Variants in ROBO1 observed in about 807,000 individuals in gnomAD.
ROBO1 encodes roundabout homolog 1.
A neutral mutation model predicts 195.9 loss-of-function variants in ROBO1; 149 were observed. The ratio of observed to expected loss-of-function variants is 0.76; its 90% confidence interval spans 0.67 to 0.87. The LOEUF (loss-of-function observed/expected upper bound fraction) is 0.87, where lower values mean the gene tolerates loss of function less well. Among genes scored for constraint, ROBO1 ranks in the 40% least tolerant of loss-of-function variants. ROBO1 has a pLI of 0.00. For synonymous variants in ROBO1, 816 were observed against 733.2 expected (o/e 1.11, Z -1.82); for missense variants, 1,933 against 2,068.3 (o/e 0.93, Z 1.27).
chr3:79,097,658 T>C (rs928742061), intron 3 of ROBO1, among the ~76,000 whole-genome samples: 4 of 151,838 alleles, frequency 2.6e-5, no homozygotes, highest in Non-Finnish European at 5.9e-5. Flanking sequence ...AGTGAATGAA[T>C]GTTTTCAGTG....
At chr3:79,615,127 C>T (rs1944779386) in intron 1 of ROBO1, among the ~76,000 whole-genome samples, 1 of 152,008 alleles carries the variant, frequency 6.6e-6, no homozygotes, top group Admixed American at 6.6e-5. Flanking sequence ...TAGGCACAAT[C>T]GACCGGTGTA....
intron 2 of ROBO1, among the ~76,000 whole-genome samples, chr3:79,496,915 T>A (rs997787142): frequency 3.9e-5 from 6 of 152,230 alleles, no homozygotes; most frequent in Non-Finnish European, 7.3e-5. Flanking sequence ...ACTGGTTGTT[T>A]ATCTCTTCCC....
intron 8 of ROBO1, 135 bp downstream of exon 8, chr3:78,714,262 T>C: frequency 2.5e-6 from 2 of 810,452 alleles, no homozygotes; most frequent in African/African-American, 3.5e-5. Flanking sequence ...TCTTTAAATA[T>C]GTTTGAAATA....
At chr3:78,624,099 AAG>A (rs1212822639) in intron 26 of ROBO1, among the ~76,000 whole-genome samples, 7 of 152,324 alleles carry the variant, frequency 4.6e-5, no homozygotes, top group Non-Finnish European at 1.0e-4. Context: ...TCTAAATAAA[AAG>A]ATAACAACGT....
intron 3 of ROBO1, among the ~76,000 whole-genome samples, chr3:78,949,847 C>T (rs1206903808): frequency 1.3e-5 from 2 of 152,178 alleles, no homozygotes; most frequent in South Asian, 4.2e-4. Flanking sequence ...AAAAAGTGGG[C>T]GAAGGATATG....
intron 2 of ROBO1, among the ~76,000 whole-genome samples, chr3:79,350,724 T>C (rs1577009466): frequency 6.6e-6 from 1 of 152,148 alleles, no homozygotes; most frequent in Non-Finnish European, 1.5e-5. Flanking sequence ...CTACGAAGGG[T>C]TCAGAATAGG....
At chr3:79,205,616 T>C (rs1249834450) in intron 2 of ROBO1, among the ~76,000 whole-genome samples, 1 of 152,182 alleles carries the variant, frequency 6.6e-6, no homozygotes, top group African/African-American at 2.4e-5. Flanking sequence ...TCTTGGCATG[T>C]ATTTTGCAGG....
intron 2 of ROBO1, among the ~76,000 whole-genome samples, chr3:79,472,923 A>G (rs1421032339): frequency 6.6e-6 from 1 of 152,140 alleles, no homozygotes; most frequent in Non-Finnish European, 1.5e-5. Context: ...ACTAAGAGCT[A>G]AAGGAAAATT....
At chr3:79,156,762 A>G (rs1227781173) in intron 2 of ROBO1, among the ~76,000 whole-genome samples, 1 of 151,932 alleles carries the variant, frequency 6.6e-6, no homozygotes, top group Admixed American at 6.6e-5. Flanking sequence ...ATTTTAGTAA[A>G]GTATAATCTA....
chr3:79,156,849 G>A (rs1576749291), intron 2 of ROBO1, among the ~76,000 whole-genome samples: 4 of 151,850 alleles, frequency 2.6e-5, no homozygotes, highest in Middle Eastern at 3.4e-3. Flanking sequence ...ATGAATTAGG[G>A]CGTCTACAGA....
chr3:79,653,002 T>A (rs1946056117), intron 1 of ROBO1, among the ~76,000 whole-genome samples: 1 of 151,926 alleles, frequency 6.6e-6, no homozygotes, highest in Non-Finnish European at 1.5e-5. Flanking sequence ...ATCACCTCAA[T>A]AATCACTAAA....
At chr3:79,037,958 T>C (rs2078410263) in intron 3 of ROBO1, among the ~76,000 whole-genome samples, 1 of 152,192 alleles carries the variant, frequency 6.6e-6, no homozygotes, top group Non-Finnish European at 1.5e-5. Context: ...TAAGTTTAAT[T>C]ATCTCTCCAT....
chr3:78,965,868 T>C (rs538496915), intron 3 of ROBO1, among the ~76,000 whole-genome samples: 2 of 152,350 alleles, frequency 1.3e-5, no homozygotes, highest in East Asian at 3.9e-4. Flanking sequence ...TATGTGCTCT[T>C]TCTGAAACAG....
chr3:79,426,732 T>C (rs533329221), intron 2 of ROBO1, among the ~76,000 whole-genome samples: 1 of 151,958 alleles, frequency 6.6e-6, no homozygotes, highest in Non-Finnish European at 1.5e-5. Flanking sequence ...AGTTTCACTG[T>C]TTTTTTTCTT....
intron 4 of ROBO1, among the ~76,000 whole-genome samples, chr3:78,890,500 G>C (rs553596963): frequency 1.3e-5 from 2 of 152,190 alleles, no homozygotes; most frequent in East Asian, 3.9e-4. Flanking sequence ...GTAAACGTTG[G>C]TTGTTTAAGC....
At chr3:79,343,969 C>T (rs1281017802) in intron 2 of ROBO1, among the ~76,000 whole-genome samples, 1 of 152,028 alleles carries the variant, frequency 6.6e-6, no homozygotes, top group Non-Finnish European at 1.5e-5. Context: ...GACTCCCAGG[C>T]CCCATCTCAG....
chr3:79,084,267 G>A (rs1352353413), intron 3 of ROBO1, among the ~76,000 whole-genome samples: 1 of 152,194 alleles, frequency 6.6e-6, no homozygotes, highest in Non-Finnish European at 1.5e-5. Flanking sequence ...GGGAGGCTGA[G>A]GTGGGCGGAT....
chr3:78,676,550 C>G (rs1326219159), intron 10 of ROBO1, among the ~76,000 whole-genome samples: 1 of 151,930 alleles, frequency 6.6e-6, no homozygotes, highest in African/African-American at 2.4e-5. Context: ...GGAGCCGATG[C>G]GATCAACTGG....
At chr3:79,144,166 TAC>T (rs925846398) in intron 2 of ROBO1, among the ~76,000 whole-genome samples, 3 of 152,124 alleles carry the variant, frequency 2.0e-5, no homozygotes, top group Non-Finnish European at 4.4e-5. Context: ...TATAAATATG[TAC>T]AGTTTTAGTA....
Sources: allele counts gnomAD v4.1 joint callset (sites outside exome capture counted in the v4.1 genomes callset), GRCh38; gene constraint gnomAD v4.1.1; transcripts MANE v1.5; gene names NCBI Gene and HGNC (gene_info 2026-07-23, HGNC 2026-07-21).